SLC24A3: variants seen among roughly 807,000 people sequenced by gnomAD.
The protein encoded by SLC24A3 is solute carrier family 24 member 3.
In SLC24A3, 28 loss-of-function variants were observed where a neutral mutation model predicts 75.8. The ratio of observed to expected loss-of-function variants is 0.37; its 90% CI spans 0.27 to 0.51. SLC24A3 has a LOEUF of 0.51. SLC24A3 is among the 20% of genes least tolerant of loss of function. The pLI, the probability that SLC24A3 is intolerant of heterozygous loss-of-function variation, is 0.94. For synonymous variants in SLC24A3, 372 were observed against 334.1 expected, an observed-to-expected ratio of 1.11 and a Z score of -1.24; for missense variants, 663 against 847.8, an observed-to-expected ratio of 0.78 and a Z score of 2.71.
At chr20:19,602,301 A>G (rs1187415345) in intron 6 of SLC24A3, among the ~76,000 whole-genome samples, 2 of 152,186 alleles carry the variant, frequency 1.3e-5, no homozygotes, top group Non-Finnish European at 2.9e-5. Context: ...TGAAAAAAGT[A>G]CTATCATTGT....
chr20:19,698,936 T>C (rs895076128), intron 15 of SLC24A3, among the ~76,000 whole-genome samples: 1 of 152,206 alleles, frequency 6.6e-6, no homozygotes, highest in Non-Finnish European at 1.5e-5. Context: ...GGCCAGAGGA[T>C]GTTTATACAG....
intron 2 of SLC24A3, among the ~76,000 whole-genome samples, chr20:19,403,331 T>C (rs1224520126): frequency 6.6e-6 from 1 of 152,208 alleles, no homozygotes; most frequent in African/African-American, 2.4e-5. Flanking sequence ...GAATGCTTAT[T>C]CTATTATAGA....
intron 6 of SLC24A3, among the ~76,000 whole-genome samples, chr20:19,640,317 A>G (rs2032061163): frequency 1.3e-5 from 2 of 152,244 alleles, no homozygotes; most frequent in East Asian, 1.9e-4. Context: ...GACACCTGAA[A>G]TAAGGAAAAG....
At chr20:19,419,555 G>A (rs1986882351) in intron 2 of SLC24A3, among the ~76,000 whole-genome samples, 1 of 152,136 alleles carries the variant, frequency 6.6e-6, no homozygotes, top group Non-Finnish European at 1.5e-5. Context: ...AAATGTTGGA[G>A]GTTTAACCCA....
chr20:19,415,136 G>A (rs1986806194), intron 2 of SLC24A3, among the ~76,000 whole-genome samples: 1 of 152,182 alleles, frequency 6.6e-6, no homozygotes, highest in African/African-American at 2.4e-5. Context: ...TAGTTTTGAT[G>A]TGTTGTCCAG....
chr20:19,698,323 T>G (rs2032834338), intron 14 of SLC24A3, among the ~76,000 whole-genome samples: 1 of 152,186 alleles, frequency 6.6e-6, no homozygotes, highest in Non-Finnish European at 1.5e-5. Context: ...CTGTATTTGG[T>G]TTTTTGAATC....
At chr20:19,494,860 A>G (rs181626315) in intron 2 of SLC24A3, among the ~76,000 whole-genome samples, 2 of 152,334 alleles carry the variant, frequency 1.3e-5, no homozygotes, top group Admixed American at 6.5e-5. Context: ...ACAAAAGCCA[A>G]CTGAAGAGGT....
intron 15 of SLC24A3, among the ~76,000 whole-genome samples, chr20:19,701,820 AAAG>A (rs2032877365): frequency 6.6e-6 from 1 of 152,132 alleles, no homozygotes; most frequent in African/African-American, 2.4e-5. Flanking sequence ...CAGACATCAA[AAAG>A]AAGAAGAAAA....
intron 3 of SLC24A3, among the ~76,000 whole-genome samples, chr20:19,558,786 A>G (rs1444165432): frequency 6.6e-6 from 1 of 152,142 alleles, no homozygotes; most frequent in Non-Finnish European, 1.5e-5. Context: ...CCATATAGTT[A>G]TATGTATGTG....
intron 6 of SLC24A3, among the ~76,000 whole-genome samples, chr20:19,621,424 T>A (rs938816673): frequency 6.6e-6 from 1 of 152,226 alleles, no homozygotes. Context: ...TGTTTAGTTG[T>A]TTTTAACTAA....
chr20:19,269,236 C>T (rs1983254583), intron 1 of SLC24A3, among the ~76,000 whole-genome samples: 1 of 152,252 alleles, frequency 6.6e-6, no homozygotes, highest in African/African-American at 2.4e-5. Flanking sequence ...ATTCCCATCA[C>T]TGCACAGGGT....
chr20:19,297,357 C>T (rs536223542), intron 2 of SLC24A3, among the ~76,000 whole-genome samples: 29 of 152,304 alleles, frequency 1.9e-4, no homozygotes, highest in African/African-American at 6.3e-4. Context: ...CCTTTGCCCC[C>T]TGCCTCTGTC....
In SLC24A3 at chr20:19,545,456, T is replaced by A. The variant is rs1267707273; in HGVS notation, c.348+29892T>A. ...AGATTGGGTTTAATGAAGACCAGAT[T>A]AAATGGCTGCTTTTTTTCGGACTCT... On this transcript the variant is annotated intron_variant, in intron 3 of 16. Transcript: ENST00000328041. Among the ~76,000 whole-genome samples, 6 of 152,152 alleles carry A rather than the reference T, an allele frequency of 3.9e-5. No individual in the cohort carries two copies. The East Asian group carries it at 1.2e-3, about 29-fold the overall frequency.
intron 3 of SLC24A3, among the ~76,000 whole-genome samples, chr20:19,538,697 T>C (rs2030444338): frequency 6.6e-6 from 1 of 152,214 alleles, no homozygotes. Context: ...GCACTCACTC[T>C]GTAAAACTGC....
chr20:19,605,382 C>T (rs1212758563), intron 6 of SLC24A3, among the ~76,000 whole-genome samples: 1 of 152,010 alleles, frequency 6.6e-6, no homozygotes, highest in Non-Finnish European at 1.5e-5. Context: ...ATTAAGACTT[C>T]TACTAAGCTT....
chr20:19,339,408 C>T (rs1247345990), intron 2 of SLC24A3, among the ~76,000 whole-genome samples: 3 of 152,078 alleles, frequency 2.0e-5, no homozygotes, highest in South Asian at 2.1e-4. Flanking sequence ...ATCACTCAGT[C>T]TATATAACCA....
At position 19,465,532 on chromosome 20, in the gene SLC24A3, A is replaced by G. The variant is rs530806532; in HGVS notation, c.272-49956A>G. Among the ~76,000 whole-genome samples, 57 of 152,280 alleles carry G rather than the reference A, an allele frequency of 3.7e-4. No individual in the cohort carries two copies. In the South Asian group the frequency reaches 6.0e-3, roughly 16 times the overall value. On this transcript the variant is annotated intron_variant, in intron 2 of 16. Coordinates refer to ENST00000328041, the MANE Select transcript of SLC24A3 (RefSeq NM_020689.4). Reference sequence around the variant, plus strand: ...TTAAGATGCTTCCTGCAAAAACCAGAGTTGATGATGTGCCATTATATTAGT... The same window carrying G: ...TTAAGATGCTTCCTGCAAAAACCAGGGTTGATGATGTGCCATTATATTAGT...
At chr20:19,513,979 TA>T (rs1338561486) in intron 2 of SLC24A3, among the ~76,000 whole-genome samples, 1 of 152,210 alleles carries the variant, frequency 6.6e-6, no homozygotes, top group African/African-American at 2.4e-5. Flanking sequence ...GTAGTATTTT[TA>T]ACTGTCCCCC....
rs370087748 is a variant in SLC24A3 at position 19,478,315 on chromosome 20, T to C, written c.272-37173T>C. On this transcript the variant is annotated intron_variant, in intron 2 of 16. Coordinates refer to ENST00000328041, the MANE Select transcript of SLC24A3 (RefSeq NM_020689.4). The stretch of plus-strand genomic sequence containing the variant: ...TAGGGCTCTATTTTTATTTCAGAAG[T>C]GGCCATCTGACCTGATCAGGTCTGT... Among the ~76,000 whole-genome samples the C allele has an allele frequency of 2.0e-4, 30 of 152,320 alleles. No homozygotes were observed. The South Asian group carries it at 5.8e-3, about 29-fold the overall frequency.
Sources: gnomAD v4.1 joint callset for allele counts (sites outside exome capture counted in the v4.1 genomes callset) on GRCh38, gnomAD v4.1.1 for gene constraint, MANE v1.5 for transcripts, NCBI Gene and HGNC (gene_info 2026-07-23, HGNC 2026-07-21) for gene names.